Variants in DPYS observed in about 807,000 individuals in gnomAD.
DPYS encodes dihydropyrimidinase, also known as dihydropyrimidine amidohydrolase.
A neutral mutation model predicts 50.3 loss-of-function variants in DPYS; 39 were observed. That is an observed-to-expected ratio of 0.78 (90% CI 0.60 to 1.01). DPYS has a LOEUF of 1.01. DPYS is among the 50% of genes least tolerant of loss of function. DPYS has a pLI of 0.00. For synonymous variants in DPYS, 245 were observed against 250.7 expected, an observed-to-expected ratio of 0.98 and a Z score of 0.22; for missense variants, 659 against 680.9, an observed-to-expected ratio of 0.97 and a Z score of 0.36.
intron 7 of DPYS, 86 bp downstream of exon 7, chr8:104,424,161 G>T: frequency 6.2e-7 from 1 of 1,604,850 alleles, no homozygotes; most frequent in Non-Finnish European, 8.5e-7. Flanking sequence ...AGGAGAAGCG[G>T]CTGATTAATG....
chr8:104,387,232 A>G (rs1255856763), intron 8 of DPYS, among the ~76,000 whole-genome samples: 1 of 152,250 alleles, frequency 6.6e-6, no homozygotes, highest in Non-Finnish European at 1.5e-5. Context: ...GAGGTGATCT[A>G]TAACAATGAA....
At chr8:104,423,332 G>A (rs1210396458) in intron 7 of DPYS, among the ~76,000 whole-genome samples, 1 of 152,118 alleles carries the variant, frequency 6.6e-6, no homozygotes, top group Non-Finnish European at 1.5e-5. Flanking sequence ...ATTTCCTATA[G>A]GAATATCTGG....
chr8:104,466,231 T>TTGGGAGAAATGGC (rs1451478767), intron 1 of DPYS, among the ~76,000 whole-genome samples: 1 of 151,920 alleles, frequency 6.6e-6, no homozygotes, highest in African/African-American at 2.4e-5. Flanking sequence ...GTCGAAATGG[T>TTGGGAGAAATGGC]TGGGAGAAAT....
Position 104,407,096 on chromosome 8 carries a change from C to T in DPYS, c.1236-14105G>A, listed in dbSNP as rs142693810. 2.0e-3 allele frequency among the ~76,000 whole-genome samples: 309 copies of T among 152,366 alleles called. 1 individual carries two copies. The highest frequency in any genetic ancestry group is 5.6e-3 in the African/African-American group (231 of 41,594). ...TGGAGCTTCCATTTACTGCATGCTACTAAACCCTATGTGAGAAGTTTTTCA... is the reference window on the plus strand; with the variant it reads ...TGGAGCTTCCATTTACTGCATGCTATTAAACCCTATGTGAGAAGTTTTTCA... On this transcript the variant is annotated intron_variant, in intron 7 of 9. Transcript: ENST00000351513.
intron 7 of DPYS, among the ~76,000 whole-genome samples, chr8:104,399,033 G>A (rs1811688067): frequency 6.6e-6 from 1 of 152,144 alleles, no homozygotes; most frequent in Non-Finnish European, 1.5e-5. Context: ...GCTCACGCCT[G>A]TAATCCCAGC....
At chr8:104,419,092 GA>G in intron 7 of DPYS, 1 of 984,448 alleles carries the variant, frequency 1.0e-6, no homozygotes, top group Non-Finnish European at 1.2e-6. Flanking sequence ...TAAGACCAGC[GA>G]GACAGTTCTT....
intron 7 of DPYS, among the ~76,000 whole-genome samples, chr8:104,397,669 T>C (rs1564082977): frequency 6.6e-6 from 1 of 152,366 alleles, no homozygotes; most frequent in East Asian, 1.9e-4. Context: ...TACTTGGCAA[T>C]TTTAATATTA....
At chr8:104,442,407 C>A (rs1357438781) in intron 4 of DPYS, among the ~76,000 whole-genome samples, 1 of 152,208 alleles carries the variant, frequency 6.6e-6, no homozygotes, top group Non-Finnish European at 1.5e-5. Flanking sequence ...GCTGATTTCA[C>A]TGTTCCTTAA....
At position 104,379,615 on chromosome 8, in the gene DPYS, C is replaced by A. The variant is rs1810965379; in HGVS notation, c.*243G>T. Reference sequence around the variant, plus strand: ...ATTTTAAAGTATCATCAATGAATTTCCACACAGCCTTTCCATCACAATAAT... The same window carrying A: ...ATTTTAAAGTATCATCAATGAATTTACACACAGCCTTTCCATCACAATAAT... On this transcript the variant is annotated 3_prime_UTR_variant, in exon 10 of 10. Transcript: ENST00000351513. The A allele has an allele frequency of 1.0e-5, 2 of 198,824 alleles. No homozygotes were observed. The highest frequency in any genetic ancestry group is 2.1e-5 in the Non-Finnish European group (2 of 93,138). 12.3% of individuals were successfully genotyped at this position (198,824 alleles called of 1,614,324 possible).
At chr8:104,442,152 C>G (rs1348654074) in intron 4 of DPYS, among the ~76,000 whole-genome samples, 1 of 151,938 alleles carries the variant, frequency 6.6e-6, no homozygotes, top group Non-Finnish European at 1.5e-5. Flanking sequence ...ACTCTTGGGC[C>G]ATGTAAATAT....
intron 7 of DPYS, among the ~76,000 whole-genome samples, chr8:104,394,671 C>G (rs1375737597): frequency 1.3e-5 from 2 of 151,676 alleles, no homozygotes; most frequent in Non-Finnish European, 2.9e-5. Flanking sequence ...AAATGAAGAT[C>G]AGATCATGTC....
At chr8:104,434,563 G>T (rs566209313) in intron 4 of DPYS, among the ~76,000 whole-genome samples, 1 of 152,264 alleles carries the variant, frequency 6.6e-6, no homozygotes, top group African/African-American at 2.4e-5. Flanking sequence ...ACAAAGATAT[G>T]CCTATTAAGT....
At chr8:104,380,880 T>G (rs1215780798) in intron 9 of DPYS, 2 of 297,940 alleles carry the variant, frequency 6.7e-6, no homozygotes, top group Non-Finnish European at 1.3e-5. Context: ...CTCCCTGTCT[T>G]AAGTAGTTCC....
chr8:104,431,723 T>A (rs1288903592), intron 4 of DPYS, among the ~76,000 whole-genome samples: 2 of 152,062 alleles, frequency 1.3e-5, no homozygotes, highest in African/African-American at 2.4e-5. Context: ...CCAAATACAA[T>A]CTCATTTGAC....
chr8:104,398,415 G>T (rs1811661390), intron 7 of DPYS, among the ~76,000 whole-genome samples: 1 of 152,228 alleles, frequency 6.6e-6, no homozygotes, highest in South Asian at 2.1e-4. Context: ...CATCAGTCCT[G>T]GCTGCTCAGC....
chr8:104,447,348 C>G lies in DPYS; in HGVS notation c.579G>C (p.Ala193=). Residue 193 remains alanine, a synonymous_variant, in exon 3 of 10, where the codon GCG becomes GCC. Coordinates refer to ENST00000351513, the MANE Select transcript of DPYS (RefSeq NM_001385.3). ...KEIGAIAQVH[A]ENGDLIAEGA... ...CCTCTGCAATTAAGTCTCCATTTTC[C>G]GCATGGACCTGGGCAATTGCTCCAA... 6.2e-7 allele frequency: 1 copy of G among 1,614,080 alleles called. No homozygotes were observed. The highest frequency in any genetic ancestry group is 2.2e-5 in the East Asian group (1 of 44,868).
rs573715704 is a variant in DPYS at position 104,389,505 on chromosome 8, A to G, written c.1443+3279T>C. Among the ~76,000 whole-genome samples, 167 of 151,016 alleles carry G rather than the reference A, an allele frequency of 1.1e-3. 4 individuals are homozygous for G. The South Asian group carries it at 0.034, about 30-fold the overall frequency. ...CATTTTTTGAATAAGGCATTTCTCC[A>G]TGATTTGGGTTTCATGACTATTTTC... On this transcript the variant is annotated intron_variant, in intron 8 of 9. Coordinates refer to ENST00000351513, the MANE Select transcript of DPYS (RefSeq NM_001385.3).
intron 2 of DPYS, among the ~76,000 whole-genome samples, chr8:104,450,565 A>G (rs1240937054): frequency 6.6e-6 from 1 of 152,246 alleles, no homozygotes. Flanking sequence ...ATATTTTAAC[A>G]TCTCTCAGAA....
At chr8:104,418,600 T>A (rs981327070) in intron 7 of DPYS, 1 of 152,346 alleles carries the variant, frequency 6.6e-6, no homozygotes, top group African/African-American at 2.4e-5. Flanking sequence ...GAAGCTGTTC[T>A]CTCTGTAGTG....
Sources: allele counts gnomAD v4.1 joint callset (sites outside exome capture counted in the v4.1 genomes callset), GRCh38; gene constraint gnomAD v4.1.1; transcripts MANE v1.5; gene names NCBI Gene and HGNC (gene_info 2026-07-23, HGNC 2026-07-21).